Variants in MTMR10 observed in about 807,000 individuals in gnomAD.
MTMR10 encodes myotubularin-related protein 10.
MTMR10 carries 56 observed loss-of-function variants against 88.1 expected under a neutral mutation model. The observed-to-expected ratio is 0.64, with a 90% CI of 0.51 to 0.79. MTMR10 has a LOEUF of 0.79. MTMR10 is among the 30% of genes least tolerant of loss of function. MTMR10 has a pLI of 0.00. For synonymous variants in MTMR10, 380 were observed against 340.9 expected (o/e 1.11, Z -1.26); for missense variants, 883 against 924.7 (o/e 0.95, Z 0.58).
chr15:30,991,441 G>A lies in MTMR10; in HGVS notation c.60+6C>T. 1.3e-6 allele frequency: 2 copies of A among 1,491,724 alleles called. No individual in the cohort carries two copies. Among genetic ancestry groups the A allele is most frequent in the Non-Finnish European group, 8.9e-7 (1 of 1,124,844 alleles). 92.4% of individuals were successfully genotyped at this position (1,491,724 alleles called of 1,614,324 possible). ...AGTCGGGCGCTCGCGGGGAGGGGTT[G>A]TTTACCTGGGGCGGTGGCAGGAGGT... On this transcript the variant is annotated splice_donor_region_variant and intron_variant, in intron 1 of 15. Coordinates refer to ENST00000435680, the MANE Select transcript of MTMR10 (RefSeq NM_017762.3).
chr15:30,940,612 A>C lies in MTMR10; in HGVS notation c.*858T>G, dbSNP rs1333373628. 1 of 984,998 alleles carries C rather than the reference A, an allele frequency of 1.0e-6. No homozygotes were observed. Among genetic ancestry groups the C allele is most frequent in the Non-Finnish European group, 1.2e-6 (1 of 829,958 alleles). 61.0% of individuals were successfully genotyped at this position (984,998 alleles called of 1,614,324 possible). A position where few individuals can be genotyped will look rare whatever the true frequency, so the allele number is the denominator to read the frequency against. ...GAGGGCGAGTTTTGGCATAGATGGC[A>C]CTCTCCTGTCTACAGCATACACCTC... On this transcript the variant is annotated 3_prime_UTR_variant, in exon 16 of 16. Coordinates refer to ENST00000435680, the MANE Select transcript of MTMR10 (RefSeq NM_017762.3).
In MTMR10 at chr15:30,990,964, CG is replaced by C. The variant is rs1324992146; in HGVS notation, c.61-128del. The C allele has an allele frequency of 1.2e-5, 9 of 756,996 alleles. No individual in the cohort carries two copies. The East Asian group carries it at 2.5e-4, about 21-fold the overall frequency. 46.9% of individuals were successfully genotyped at this position (756,996 alleles called of 1,614,324 possible). On this transcript the variant is annotated intron_variant, in intron 1 of 15. Transcript: ENST00000435680. ...ACACAGCCCCCCATTTAAATTCTTT[CG>C]CATATTAACTGAGCTGTTTTTAAGA...
intron 14 of MTMR10, chr15:30,943,579 G>C (rs932610501): frequency 1.0e-6 from 1 of 984,542 alleles, no homozygotes; most frequent in African/African-American, 1.8e-5. Context: ...ACAGACCACA[G>C]ACTCAGGGTA....
chr15:30,959,147 G>A (rs1055184393), intron 7 of MTMR10, 26 bp from the exon 8 acceptor site: 2 of 1,543,056 alleles, frequency 1.3e-6, no homozygotes, highest in African/African-American at 2.7e-5. Flanking sequence ...AAAATTATAT[G>A]AGTGCTGTGC....
In MTMR10 at chr15:30,976,945, G is replaced by A. The variant is rs777957256; in HGVS notation, c.132C>T (p.Val44=). 2.4e-5 allele frequency: 39 copies of A among 1,612,154 alleles called. No homozygotes were observed. Among genetic ancestry groups the A allele is most frequent in the Middle Eastern group, 1.6e-4 (1 of 6,074 alleles). The stretch of plus-strand genomic sequence containing the variant: ...TTCTCACAAAATTGACTTCATTTAC[G>A]ACAATTTCTCCTTTAAAAAAAGAAA... The part of the protein sequence containing the change: ...LEPVLLPGEI[V]VNEVNFVRKC... Residue 44 remains valine, a synonymous_variant, in exon 3 of 16, where the codon GTC becomes GTT. Transcript: ENST00000435680.
At chr15:30,925,742 C>G in the MTMR10 span, 1 of 1,606,176 alleles carries the variant, frequency 6.2e-7, no homozygotes, top group Non-Finnish European at 8.5e-7. Context: ...TTTTCAGGGA[C>G]TTTTGCTGAC....
At chr15:30,936,055 A>T (rs764821487), downstream of MTMR10, among the ~76,000 whole-genome samples, 1 of 152,046 alleles carries the variant, frequency 6.6e-6, no homozygotes, top group Non-Finnish European at 1.5e-5. Context: ...CTCTAATTAA[A>T]TGTCCCTTAG....
intron 13 of MTMR10, 84 bp from the exon 14 acceptor site, chr15:30,947,384 AAAG>A (rs2063186363): frequency 2.8e-6 from 4 of 1,442,942 alleles, no homozygotes; most frequent in Non-Finnish European, 3.7e-6. Context: ...TGCTGATGTT[AAAG>A]AAGAGATGAA....
At chr15:30,938,450 T>G (rs975783394), downstream of MTMR10, among the ~76,000 whole-genome samples, 1 of 152,166 alleles carries the variant, frequency 6.6e-6, no homozygotes, top group African/African-American at 2.4e-5. Flanking sequence ...GAATGAAGTC[T>G]TTATCAGAGG....
Position 30,967,962 on chromosome 15 carries a change from G to A in MTMR10, c.523C>T (p.Leu175Phe), listed in dbSNP as rs1013450371. 1 of 1,573,234 alleles carries A rather than the reference G, an allele frequency of 6.4e-7. No homozygotes were observed. Among genetic ancestry groups the A allele is most frequent in the Non-Finnish European group, 8.6e-7 (1 of 1,158,106 alleles). Residue 175 changes from leucine (L) to phenylalanine (F), a missense_variant, in exon 6 of 16, where the codon CTC (leucine) becomes TTC (phenylalanine). This residue lies in a region of MTMR10 where 414 missense variants were observed against 423.2 expected (regional missense o/e 0.98). Transcript: ENST00000435680. Reference protein sequence around the residue: ...HYSQPTDLQLLFAFEYVGKKY... With the variant: ...HYSQPTDLQLFFAFEYVGKKY... ...TTCCCAACATATTCAAATGCAAAGA[G>A]TAGCTGGAGGTCTGTTGGCTGGGAA...
chr15:30,921,234 G>C, the MTMR10 span, among the ~76,000 whole-genome samples: 1 of 152,110 alleles, frequency 6.6e-6, no homozygotes, highest in Non-Finnish European at 1.5e-5. Context: ...CCTGGGGGTG[G>C]CGGCCACCAT....
chr15:30,946,715 G>T, intron 14 of MTMR10: 1 of 702,792 alleles, frequency 1.4e-6, no homozygotes, highest in South Asian at 1.5e-5. Flanking sequence ...AATGAATTGT[G>T]ACCAGAAACT....
At chr15:30,985,015 C>A (rs2030852124) in intron 2 of MTMR10, among the ~76,000 whole-genome samples, 1 of 152,196 alleles carries the variant, frequency 6.6e-6, no homozygotes, top group African/African-American at 2.4e-5. Flanking sequence ...GCATTTTACC[C>A]TTCTGCCAAA....
chr15:30,924,143 C>T, the MTMR10 span, among the ~76,000 whole-genome samples: 2 of 152,210 alleles, frequency 1.3e-5, no homozygotes, highest in African/African-American at 4.8e-5. Flanking sequence ...CATCATGTTT[C>T]TGAGCTTCAC....
Position 30,941,749 on chromosome 15 carries a change from C to G in MTMR10, c.2055G>C (p.Leu685=). Residue 685 remains leucine (L), a synonymous_variant, in exon 16 of 16, where the codon CTG becomes CTC. Transcript: ENST00000435680. ...TGCTCAGTACGTCGACTTCATCAGC[C>G]AGGAGGGAGAGCTTGTGAAAGGCTG... ...SITAFHKLSL[L]ADEVDVLSRM... is the part of the protein sequence containing the mutation. 1 of 1,613,980 alleles carries G rather than the reference C, an allele frequency of 6.2e-7. No individual in the cohort carries two copies. The highest frequency in any genetic ancestry group is 1.3e-5 in the African/African-American group (1 of 75,032).
At chr15:30,947,686 A>G (rs2140999448) in intron 13 of MTMR10, among the ~76,000 whole-genome samples, 1 of 152,362 alleles carries the variant, frequency 6.6e-6, no homozygotes, top group South Asian at 2.1e-4. Context: ...TAGGCTCAGC[A>G]TCCAGAAAAC....
intron 2 of MTMR10, among the ~76,000 whole-genome samples, chr15:30,986,891 G>C (rs892451640): frequency 2.0e-5 from 3 of 152,176 alleles, no homozygotes; most frequent in African/African-American, 7.2e-5. Context: ...CATCCTCACC[G>C]AACCGATCCA....
intron 2 of MTMR10, among the ~76,000 whole-genome samples, chr15:30,981,614 T>G (rs1187859314): frequency 6.6e-6 from 1 of 152,280 alleles, no homozygotes; most frequent in Non-Finnish European, 1.5e-5. Context: ...CAGATTCTTC[T>G]GTTATTTGCA....
intron 2 of MTMR10, among the ~76,000 whole-genome samples, chr15:30,979,765 C>T (rs912147275): frequency 6.6e-6 from 1 of 152,096 alleles, no homozygotes; most frequent in Non-Finnish European, 1.5e-5. Flanking sequence ...TACTGATGCA[C>T]GAATGTTAAC....
Sources: gnomAD v4.1 joint callset for allele counts (sites outside exome capture counted in the v4.1 genomes callset) on GRCh38, gnomAD v4.1.1 for gene constraint, gnomAD v4.1.1 regional missense constraint, MANE v1.5 for transcripts, NCBI Gene and HGNC (gene_info 2026-07-23, HGNC 2026-07-21) for gene names.